The following CHST6 variants were observed in gnomAD, a reference collection of about 807,000 sequenced individuals.
CHST6 encodes N-acetylglucosamine 6-O-sulfotransferase 5.
For synonymous variants in CHST6, 309 were observed against 276.4 expected, an observed-to-expected ratio of 1.12 and a Z score of -1.17; for missense variants, 698 against 586.2, an observed-to-expected ratio of 1.19 and a Z score of -1.97.
intron 1 of CHST6, among the ~76,000 whole-genome samples, chr16:75,484,571 C>T (rs1453444984): frequency 6.6e-6 from 1 of 150,836 alleles, no homozygotes; most frequent in Admixed American, 6.6e-5. Context: ...AATTCTAAGC[C>T]ACGCATGGTG....
At chr16:75,487,550 T>C (rs113297969) in intron 1 of CHST6, among the ~76,000 whole-genome samples, 3 of 152,070 alleles carry the variant, frequency 2.0e-5, no homozygotes, top group Admixed American at 6.6e-5. Flanking sequence ...CCTGTAATCA[T>C]AGCACTTGGG....
At chr16:75,487,607 G>C (rs2080212884) in intron 1 of CHST6, among the ~76,000 whole-genome samples, 1 of 151,926 alleles carries the variant, frequency 6.6e-6, no homozygotes, top group African/African-American at 2.4e-5. Context: ...ACATCTTCTT[G>C]GCTAACACAG....
rs1260382727 is a variant in CHST6 at position 75,478,258 on chromosome 16, G to A, written c.*383C>T. On this transcript the variant is annotated 3_prime_UTR_variant, in exon 3 of 3. Coordinates refer to ENST00000332272, the MANE Select transcript of CHST6 (RefSeq NM_021615.5). Reference sequence around the variant, plus strand: ...AGACCTCTGGAGCCATTTCACCACAGTGCCTCTCCACTCCCAGCCAGTGCC... The same window carrying A: ...AGACCTCTGGAGCCATTTCACCACAATGCCTCTCCACTCCCAGCCAGTGCC... 2 of 355,512 alleles carry A rather than the reference G, an allele frequency of 5.6e-6. No individual in the cohort carries two copies. Among genetic ancestry groups the A allele is most frequent in the Non-Finnish European group, 1.1e-5 (2 of 185,856 alleles). The allele number at this position is 355,512 out of a possible 1,614,324, so 22.0% of individuals were successfully genotyped here. A position where few individuals can be genotyped will look rare whatever the true frequency, so the allele number is the denominator to read the frequency against.
rs1173368780 is a variant in CHST6 at position 75,479,859 on chromosome 16, C to G, written c.-16-15G>C. ...CTGCTGGGGGCCTTAGGGAGGAGAG[C>G]GCAGCGGTTAGGGGCTGCAGCCTGC... On this transcript the variant is annotated splice_polypyrimidine_tract_variant and intron_variant, in intron 2 of 2. Coordinates refer to ENST00000332272, the MANE Select transcript of CHST6 (RefSeq NM_021615.5). 2 of 1,539,046 alleles carry G rather than the reference C, an allele frequency of 1.3e-6. No homozygotes were observed. The highest frequency in any genetic ancestry group is 1.4e-5 in the African/African-American group (1 of 73,118).
intron 1 of CHST6, among the ~76,000 whole-genome samples, chr16:75,484,057 C>T (rs570864722): frequency 1.1e-4 from 17 of 149,538 alleles, no homozygotes; most frequent in South Asian, 6.4e-4. Flanking sequence ...ATAAATAGGC[C>T]GGGTGTGCGG....
In CHST6 at chr16:75,478,539, C is replaced by G; in HGVS notation, c.*102G>C. ...GGAGGGGGAGGGGTCGTACCACAAA[C>G]TCCTTGGTCAATATAGGGACCTGCT... is the stretch of plus-strand genomic sequence containing the variant. On this transcript the variant is annotated 3_prime_UTR_variant, in exon 3 of 3. Coordinates refer to ENST00000332272, the MANE Select transcript of CHST6 (RefSeq NM_021615.5). 8.3e-7 allele frequency: 1 copy of G among 1,198,400 alleles called. No individual in the cohort carries two copies. Among genetic ancestry groups the G allele is most frequent in the Non-Finnish European group, 1.2e-6 (1 of 807,218 alleles). 74.2% of individuals were successfully genotyped at this position (1,198,400 alleles called of 1,614,324 possible).
chr16:75,488,483 A>AC (rs1025165171), intron 1 of CHST6, among the ~76,000 whole-genome samples: 1 of 151,394 alleles, frequency 6.6e-6, no homozygotes, highest in Admixed American at 6.6e-5. Context: ...GAGAAAAAAA[A>AC]AAAAAAAAGA....
rs918178068 is a variant in CHST6 at position 75,486,357 on chromosome 16, C to T, written c.-91-4466G>A. Among the ~76,000 whole-genome samples the T allele has an allele frequency of 3.3e-5, 5 of 152,236 alleles. No homozygotes were observed. In the East Asian group the frequency reaches 5.8e-4, roughly 18 times the overall value. On this transcript the variant is annotated intron_variant, in intron 1 of 2. Transcript: ENST00000332272. ...TGCTTGGTTCTGTCCACTCAGTACCCGTTTTTCCTTCTGATAACAGTCTCT... is the reference window on the plus strand; with the variant it reads ...TGCTTGGTTCTGTCCACTCAGTACCTGTTTTTCCTTCTGATAACAGTCTCT...
chr16:75,483,169 C>T (rs1299094386), intron 1 of CHST6, among the ~76,000 whole-genome samples: 2 of 152,190 alleles, frequency 1.3e-5, no homozygotes, highest in Non-Finnish European at 2.9e-5. Flanking sequence ...AAGCTGGGAC[C>T]CCAGGACTCC....
At chr16:75,481,793 TC>T in intron 2 of CHST6, 23 bp downstream of exon 2, 1 of 492,900 alleles carries the variant, frequency 2.0e-6, no homozygotes, top group Non-Finnish European at 4.0e-6. Context: ...CAGAGGACTG[TC>T]CCGGCCAGCT....
Position 75,478,476 on chromosome 16 carries a change from T to A in CHST6, c.*165A>T. 1.4e-6 allele frequency: 1 copy of A among 697,856 alleles called. No homozygotes were observed. The highest frequency in any genetic ancestry group is 2.5e-6 in the Non-Finnish European group (1 of 404,672). The allele number at this position is 697,856 out of a possible 1,614,324, so 43.2% of individuals were successfully genotyped here. A position where few individuals can be genotyped will look rare whatever the true frequency, so the allele number is the denominator to read the frequency against. On this transcript the variant is annotated 3_prime_UTR_variant, in exon 3 of 3. Transcript: ENST00000332272. ...AGAGGACTCAAAGGAAAACCAAGAA[T>A]CAAGAGAGAAAGAAACGTGCAGTCC...
intron 2 of CHST6, among the ~76,000 whole-genome samples, chr16:75,481,366 G>A (rs953804912): frequency 3.3e-5 from 5 of 152,238 alleles, no homozygotes; most frequent in Middle Eastern, 3.4e-3. Flanking sequence ...GTTGAGGTGG[G>A]CAGATCACCT....
intron 1 of CHST6, among the ~76,000 whole-genome samples, chr16:75,492,320 A>G (rs2080265224): frequency 6.6e-6 from 1 of 152,218 alleles, no homozygotes; most frequent in South Asian, 2.1e-4. Context: ...GCTGGAGGCC[A>G]TAAAGTCTGA....
At chr16:75,482,978 C>T (rs1397999618) in intron 1 of CHST6, among the ~76,000 whole-genome samples, 10 of 152,302 alleles carry the variant, frequency 6.6e-5, no homozygotes, top group Middle Eastern at 3.4e-3. Context: ...AGTGGGCTGA[C>T]GATGGTTGGC....
intron 1 of CHST6, among the ~76,000 whole-genome samples, chr16:75,486,046 G>T (rs1275118945): frequency 1.3e-5 from 2 of 152,224 alleles, no homozygotes; most frequent in Non-Finnish European, 2.9e-5. Context: ...CCAGGCTTCA[G>T]ATGGCCGGGA....
Position 75,491,190 on chromosome 16 carries a change from A to AATATATATATAT in CHST6, c.-92+3738_-92+3749dup, listed in dbSNP as rs1555501738. Among the ~76,000 whole-genome samples the AATATATATATAT allele has an allele frequency of 4.9e-3, 243 of 49,972 alleles. 1 individual carries two copies. Among genetic ancestry groups the AATATATATATAT allele is most frequent in the Non-Finnish European group, 5.4e-3 (179 of 33,300 alleles). 32.8% of individuals were successfully genotyped at this position (49,972 alleles called of 152,430 possible). A position where few individuals can be genotyped will look rare whatever the true frequency, so the allele number is the denominator to read the frequency against. The stretch of plus-strand genomic sequence containing the variant: ...TAAAAAAAAAAAAAAAAAAAAAAAA[A>AATATATATATAT]ATATATATATATATATATATATATA... On this transcript the variant is annotated intron_variant, in intron 1 of 2. Transcript: ENST00000332272.
chr16:75,486,919 T>G (rs1179701378), intron 1 of CHST6, among the ~76,000 whole-genome samples: 1 of 152,196 alleles, frequency 6.6e-6, no homozygotes, highest in Admixed American at 6.5e-5. Context: ...CATGGGTGTG[T>G]TCAGTTTGTG....
At chr16:75,483,040 T>A (rs1332717974) in intron 1 of CHST6, among the ~76,000 whole-genome samples, 1 of 152,252 alleles carries the variant, frequency 6.6e-6, no homozygotes, top group Non-Finnish European at 1.5e-5. Flanking sequence ...CTGACTTCAA[T>A]GATCACAAGT....
At chr16:75,486,289 G>A (rs1382033161) in intron 1 of CHST6, among the ~76,000 whole-genome samples, 5 of 152,242 alleles carry the variant, frequency 3.3e-5, no homozygotes, top group Non-Finnish European at 4.4e-5. Context: ...CCTGTTCTCC[G>A]GTGACTAGTG....
Sources: gnomAD v4.1 joint callset for allele counts (sites outside exome capture counted in the v4.1 genomes callset) on GRCh38, gnomAD v4.1.1 for gene constraint, MANE v1.5 for transcripts, NCBI Gene and HGNC (gene_info 2026-07-23, HGNC 2026-07-21) for gene names.